The following TRARG1 variants were observed in gnomAD, a reference collection of about 807,000 sequenced individuals.
The protein encoded by TRARG1 is trafficking regulator of GLUT4 1.
In TRARG1, 16 loss-of-function variants were observed where a neutral mutation model predicts 13.3. The observed-to-expected ratio is 1.20, with a 90% CI of 0.81 to 1.83. The LOEUF (loss-of-function observed/expected upper bound fraction) is 1.83. TRARG1 is among the 40% of genes most tolerant of loss of function. The probability of loss-of-function intolerance (pLI) is 0.00; values close to 1 mark genes in which losing one functional copy is unlikely to be tolerated. For synonymous variants in TRARG1, 113 were observed against 106.2 expected (o/e 1.06, Z -0.39); for missense variants, 250 against 237.4 (o/e 1.05, Z -0.35).
At chr17:1,296,897 G>A (rs1426197158) in intron 2 of TRARG1, among the ~76,000 whole-genome samples, 1 of 151,882 alleles carries the variant, frequency 6.6e-6, no homozygotes, top group Non-Finnish European at 1.5e-5. Flanking sequence ...CACCAGCCTC[G>A]GCCTCCTAAA....
At chr17:1,282,266 A>ATATATGTACG (rs2071986143) in intron 1 of TRARG1, among the ~76,000 whole-genome samples, 6 of 78,984 alleles carry the variant, frequency 7.6e-5, no homozygotes, top group Non-Finnish European at 1.6e-4. Context: ...GTATATGTAC[A>ATATATGTACG]TATATGCACG....
rs139765520 is a variant in TRARG1, at chr17:1,299,140, C to T, written c.*876C>T. On this transcript the variant is annotated 3_prime_UTR_variant, in exon 3 of 3. Transcript: ENST00000333813. ...TCTGAGCTCTCGTCCTGCCGTGGCC[C>T]CCGCGATGGCCTGGGGTGCAAGCTT... 6.6e-6 allele frequency: 1 copy of T among 152,522 alleles called. No individual in the cohort carries two copies. The highest frequency in any genetic ancestry group is 2.4e-5 in the African/African-American group (1 of 41,588). The allele number at this position is 152,522 out of a possible 1,614,324, so 9.4% of individuals were successfully genotyped here. A position where few individuals can be genotyped will look rare whatever the true frequency, so the allele number is the denominator to read the frequency against.
At chr17:1,286,408 G>A (rs1300164255) in intron 1 of TRARG1, among the ~76,000 whole-genome samples, 1 of 137,128 alleles carries the variant, frequency 7.3e-6, no homozygotes, top group African/African-American at 3.5e-5. Context: ...ATCGGCCTGC[G>A]GGTTGTTATC....
chr17:1,285,699 A>G (rs1261900364), intron 1 of TRARG1, among the ~76,000 whole-genome samples: 1 of 151,972 alleles, frequency 6.6e-6, no homozygotes, highest in Non-Finnish European at 1.5e-5. Flanking sequence ...CCTGGGCTAC[A>G]GAGCAAGACT....
chr17:1,280,868 G>A (rs907886589), intron 1 of TRARG1, among the ~76,000 whole-genome samples: 4 of 152,174 alleles, frequency 2.6e-5, no homozygotes, highest in African/African-American at 7.2e-5. Context: ...TCCAAGAGTC[G>A]CAGCGGCTTC....
intron 1 of TRARG1, among the ~76,000 whole-genome samples, chr17:1,282,008 A>G (rs530914546): frequency 4.7e-5 from 7 of 148,446 alleles, no homozygotes; most frequent in Non-Finnish European, 7.5e-5. Flanking sequence ...AGATATACAC[A>G]TATGTACATA....
chr17:1,280,761 G>T (rs551428672), intron 1 of TRARG1, among the ~76,000 whole-genome samples: 6 of 152,282 alleles, frequency 3.9e-5, no homozygotes, highest in Admixed American at 2.6e-4. Context: ...CGCCAAGTGG[G>T]GCTGTCTCAG....
rs2072127724 is a variant in TRARG1 at position 1,298,354 on chromosome 17, G to A, written c.*90G>A. 3 of 1,433,968 alleles carry A rather than the reference G, an allele frequency of 2.1e-6. No individual in the cohort carries two copies. The highest frequency in any genetic ancestry group is 2.9e-6 in the Non-Finnish European group (3 of 1,039,828). The allele number at this position is 1,433,968 out of a possible 1,614,324, so 88.8% of individuals were successfully genotyped here. The stretch of plus-strand genomic sequence containing the variant: ...ACCGCGGGAGGCCAGGGTGCTGACT[G>A]TCAAGCATCCCCTGTCCCCAAGTTC... On this transcript the variant is annotated 3_prime_UTR_variant, in exon 3 of 3. Coordinates refer to ENST00000333813, the MANE Select transcript of TRARG1 (RefSeq NM_172367.3).
intron 1 of TRARG1, among the ~76,000 whole-genome samples, chr17:1,291,470 A>G (rs1309001739): frequency 3.3e-5 from 5 of 152,182 alleles, no homozygotes; most frequent in Non-Finnish European, 7.3e-5. Flanking sequence ...TTCTGCCGCC[A>G]TGTGGTGAAG....
At chr17:1,287,907 C>T (rs1432164637) in intron 1 of TRARG1, among the ~76,000 whole-genome samples, 2 of 152,036 alleles carry the variant, frequency 1.3e-5, no homozygotes, top group Non-Finnish European at 2.9e-5. Context: ...CCCGTTTCAG[C>T]CTCCCACAGT....
chr17:1,288,008 C>A (rs2072035923), intron 1 of TRARG1, among the ~76,000 whole-genome samples: 1 of 151,954 alleles, frequency 6.6e-6, no homozygotes, highest in South Asian at 2.1e-4. Context: ...CACAGGCCAT[C>A]CCTGAACTCT....
chr17:1,288,337 TC>T (rs1390116359), intron 1 of TRARG1, among the ~76,000 whole-genome samples: 1 of 71,794 alleles, frequency 1.4e-5, no homozygotes, highest in African/African-American at 5.3e-5. Context: ...GGGCTCCTCA[TC>T]CCCCACGGGT....
At chr17:1,288,989 A>G (rs1362109570) in intron 1 of TRARG1, among the ~76,000 whole-genome samples, 1 of 1,860 alleles carries the variant, frequency 5.4e-4, no homozygotes, top group Non-Finnish European at 8.1e-4. Flanking sequence ...CGGGCTCCCC[A>G]TCCCCCACCG....
intron 2 of TRARG1, among the ~76,000 whole-genome samples, chr17:1,297,592 CTTTTTTTTTTTTTTTT>C (rs35978298): frequency 6.1e-5 from 6 of 97,922 alleles, no homozygotes; most frequent in Non-Finnish European, 9.9e-5. Context: ...TTAGCCAGGA[CTTTTTTTTTTTTTTTT>C]TTTTTTTTTT....
chr17:1,285,008 C>T (rs919091426), intron 1 of TRARG1, among the ~76,000 whole-genome samples: 7 of 152,144 alleles, frequency 4.6e-5, no homozygotes, highest in East Asian at 1.9e-4. Flanking sequence ...AACCAGGCAC[C>T]GTGTTGGCAT....
chr17:1,280,708 G>A (rs1598186551), intron 1 of TRARG1, among the ~76,000 whole-genome samples: 1 of 152,312 alleles, frequency 6.6e-6, no homozygotes, highest in South Asian at 2.1e-4. Context: ...CCAGGCTGGG[G>A]GTCTTGCTGT....
Position 1,298,915 on chromosome 17 carries a change from C to T in TRARG1, c.*651C>T, listed in dbSNP as rs554131986. 1 of 152,266 alleles carries T rather than the reference C, an allele frequency of 6.6e-6. No homozygotes were observed. Among genetic ancestry groups the T allele is most frequent in the Admixed American group, 6.5e-5 (1 of 15,288 alleles). The allele number at this position is 152,266 out of a possible 1,614,324, so 9.4% of individuals were successfully genotyped here. On this transcript the variant is annotated 3_prime_UTR_variant, in exon 3 of 3. Coordinates refer to ENST00000333813, the MANE Select transcript of TRARG1 (RefSeq NM_172367.3). ...ATCCTCCGCTGCAAGGTGGTGGCGC[C>T]GAGAGGCGTGTCTGTGAAGACAGGT...
chr17:1,296,256 G>A (rs968204505), intron 2 of TRARG1, among the ~76,000 whole-genome samples: 2 of 152,006 alleles, frequency 1.3e-5, no homozygotes, highest in African/African-American at 4.8e-5. Flanking sequence ...GAGTGCAGTG[G>A]TGCGATCTCG....
rs1009241134 is a variant in TRARG1, at chr17:1,300,857, A to T, written c.*2593A>T. 6.6e-6 allele frequency: 1 copy of T among 152,284 alleles called. No individual in the cohort carries two copies. The highest frequency in any genetic ancestry group is 6.5e-5 in the Admixed American group (1 of 15,282). 9.4% of individuals were successfully genotyped at this position (152,284 alleles called of 1,614,324 possible). A position where few individuals can be genotyped will look rare whatever the true frequency, so the allele number is the denominator to read the frequency against. ...TGAACACAGTGGCCCGGCTTAACGC[A>T]CTAACCCAGCCTCTCCCTGTGTCCC... is the stretch of plus-strand genomic sequence containing the variant. On this transcript the variant is annotated 3_prime_UTR_variant, in exon 3 of 3. Coordinates refer to ENST00000333813, the MANE Select transcript of TRARG1 (RefSeq NM_172367.3).
Sources: gnomAD v4.1 joint callset for allele counts (sites outside exome capture counted in the v4.1 genomes callset) on GRCh38, gnomAD v4.1.1 for gene constraint, MANE v1.5 for transcripts, NCBI Gene and HGNC (gene_info 2026-07-23, HGNC 2026-07-21) for gene names.